ZC3H3: variants seen among roughly 807,000 people sequenced by gnomAD.
ZC3H3 encodes the protein zinc finger CCCH-type containing 3, also known as zinc finger CCCH domain-containing protein 3.
ZC3H3 carries 36 observed loss-of-function variants against 77.3 expected under a neutral mutation model. The ratio of observed to expected loss-of-function variants is 0.47; its 90% CI spans 0.36 to 0.61. ZC3H3 has a LOEUF of 0.61. Ranked by LOEUF, ZC3H3 falls within the 20% of genes least tolerant of loss-of-function variation. ZC3H3 has a pLI of 0.00. For missense variants in ZC3H3, 1,331 were observed against 1,312.2 expected (o/e 1.01, Z -0.22); for synonymous variants, 626 against 555.2 (o/e 1.13, Z -1.79).
intron 3 of ZC3H3, among the ~76,000 whole-genome samples, chr8:143,514,186 G>C (rs956511842): frequency 1.3e-5 from 2 of 152,170 alleles, no homozygotes; most frequent in Admixed American, 1.3e-4. Flanking sequence ...CTTCCCCGAG[G>C]TCCACCATGT....
At chr8:143,526,968 A>C (rs995418523) in intron 3 of ZC3H3, among the ~76,000 whole-genome samples, 3 of 152,166 alleles carry the variant, frequency 2.0e-5, no homozygotes, top group African/African-American at 7.2e-5. Context: ...GCCATGCCTG[A>C]AGATAGACCC....
Position 143,538,179 on chromosome 8 carries a change from C to T in ZC3H3, c.1188G>A (p.Ser396=), listed in dbSNP as rs758556745. 18 of 1,612,870 alleles carry T rather than the reference C, an allele frequency of 1.1e-5. No individual in the cohort carries two copies. The highest frequency in any genetic ancestry group is 1.4e-5 in the Non-Finnish European group (16 of 1,180,024). The change falls in exon 2 of 12, where the codon TCG becomes TCA. Residue 396 remains serine, a synonymous_variant. Coordinates refer to ENST00000262577, the MANE Select transcript of ZC3H3 (RefSeq NM_015117.3). ...ASSSSSFRWQ[S]EASSKDHASQ... ...AGGCATGGTCCTTGCTGCTGGCCTC[C>T]GACTGCCAACGGAAGGAGGAAGAGG...
At chr8:143,512,359 T>C (rs73715643) in intron 3 of ZC3H3, among the ~76,000 whole-genome samples, 4,246 of 152,352 alleles carry the variant, frequency 0.028, 178 homozygotes, top group African/African-American at 0.096. Context: ...ACTGCCTATG[T>C]CCTTCTCTGA....
rs751888046 is a variant in ZC3H3, at chr8:143,475,592, A to G, written c.1716-7T>C. Reference sequence around the variant, plus strand: ...GCGGTTCAGCACCAGGGACCTGCAGAGACAGGAAATGCCCGTCAAACCTGG... The same window carrying G: ...GCGGTTCAGCACCAGGGACCTGCAGGGACAGGAAATGCCCGTCAAACCTGG... On this transcript the variant is annotated splice_region_variant and splice_polypyrimidine_tract_variant and intron_variant, in intron 4 of 11. Transcript: ENST00000262577. 2 of 1,585,098 alleles carry G rather than the reference A, an allele frequency of 1.3e-6. No homozygotes were observed. The highest frequency in any genetic ancestry group is 3.6e-5 in the Admixed American group (2 of 55,290).
chr8:143,447,987 G>A lies in ZC3H3; in HGVS notation c.2308-6867C>T, dbSNP rs141782865. ...CTACTAAAAATACAAAATTAGCCAG[G>A]TGTGGTGGTGCATGCCTGTAATCCT... On this transcript the variant is annotated intron_variant, in intron 9 of 11. Coordinates refer to ENST00000262577, the MANE Select transcript of ZC3H3 (RefSeq NM_015117.3). Among the ~76,000 whole-genome samples the A allele has an allele frequency of 8.9e-3, 1,359 of 152,296 alleles. 21 individuals are homozygous for A. Among genetic ancestry groups the A allele is most frequent in the African/African-American group, 0.03 (1,256 of 41,542 alleles).
intron 3 of ZC3H3, among the ~76,000 whole-genome samples, chr8:143,509,084 C>T (rs1821797069): frequency 6.6e-6 from 1 of 152,082 alleles, no homozygotes. Context: ...TCAGGCGTTC[C>T]CCCAGCACCA....
chr8:143,468,231 G>A lies in ZC3H3; in HGVS notation c.2153C>T (p.Ser718Phe). The A allele has an allele frequency of 1.2e-6, 2 of 1,612,974 alleles. No individual in the cohort carries two copies. Among genetic ancestry groups the A allele is most frequent in the Non-Finnish European group, 1.7e-6 (2 of 1,179,870 alleles). ...CACCTTCTCCTTGGACACATGGTGG[G>A]AGAAGGGGCAGGTCCCATCCGTTTT... ...CKKTDGTCPF[S>F]HHVSKEKMPV... The change falls in exon 8 of 12, where the codon TCC becomes TTC. Residue 718 changes from serine to phenylalanine, a missense_variant. Around this residue, in one of 3 missense-constraint regions of ZC3H3, gnomAD observed 104 missense variants for 159.7 expected, o/e 0.65. Transcript: ENST00000262577.
At chr8:143,464,663 C>T (rs753150429) in intron 9 of ZC3H3, among the ~76,000 whole-genome samples, 1 of 152,214 alleles carries the variant, frequency 6.6e-6, no homozygotes, top group Non-Finnish European at 1.5e-5. Context: ...GAAAGGGTTC[C>T]TGGGGTGCCT....
rs758800667 is a variant in ZC3H3 at position 143,536,254 on chromosome 8, T to C, written c.1561+3A>G. The stretch of plus-strand genomic sequence containing the variant: ...GTGCCCAGCGCCCCTGCTCCCAGCA[T>C]ACCTTCCTTGGTGGGGAGGTGGGCC... On this transcript the variant is annotated splice_donor_region_variant and intron_variant, in intron 3 of 11. Coordinates refer to ENST00000262577, the MANE Select transcript of ZC3H3 (RefSeq NM_015117.3). 1.9e-6 allele frequency: 3 copies of C among 1,609,638 alleles called. No individual in the cohort carries two copies. The highest frequency in any genetic ancestry group is 1.7e-6 in the Non-Finnish European group (2 of 1,179,300).
chr8:143,490,079 C>G (rs972179040), intron 4 of ZC3H3, among the ~76,000 whole-genome samples: 1 of 152,196 alleles, frequency 6.6e-6, no homozygotes, highest in Admixed American at 6.5e-5. Flanking sequence ...CCAGCAAGCA[C>G]CTGACACACA....
intron 5 of ZC3H3, 100 bp from the exon 6 acceptor site, chr8:143,468,759 C>A: frequency 7.0e-7 from 1 of 1,424,556 alleles, no homozygotes. Context: ...GGTCCCAACA[C>A]TCAGCTCAGG....
chr8:143,501,252 G>A (rs1821516375), intron 4 of ZC3H3, among the ~76,000 whole-genome samples: 1 of 152,154 alleles, frequency 6.6e-6, no homozygotes. Context: ...CCAGACTGGA[G>A]TACAGTGGCA....
chr8:143,465,098 G>A (rs960672151), intron 9 of ZC3H3, among the ~76,000 whole-genome samples: 4 of 152,088 alleles, frequency 2.6e-5, no homozygotes, highest in African/African-American at 9.7e-5. Context: ...TGCAACACAG[G>A]AGTCAGTCAT....
chr8:143,473,535 G>A (rs951612231), intron 5 of ZC3H3, among the ~76,000 whole-genome samples: 1 of 152,174 alleles, frequency 6.6e-6, no homozygotes, highest in African/African-American at 2.4e-5. Context: ...CCTTCCCTGG[G>A]CAGAGGGATC....
chr8:143,468,759 C>T, intron 5 of ZC3H3, 100 bp from the exon 6 acceptor site: 2 of 1,424,556 alleles, frequency 1.4e-6, no homozygotes, highest in South Asian at 1.4e-5. Flanking sequence ...GGTCCCAACA[C>T]TCAGCTCAGG....
intron 4 of ZC3H3, among the ~76,000 whole-genome samples, chr8:143,480,550 G>A (rs1453155094): frequency 6.6e-6 from 1 of 152,340 alleles, no homozygotes; most frequent in Admixed American, 6.5e-5. Flanking sequence ...CGCAGTCAGG[G>A]CAGTGCATGC....
Position 143,538,558 on chromosome 8 carries a change from G to A in ZC3H3, c.809C>T (p.Thr270Ile), listed in dbSNP as rs757243359. ...LGDRRVDAGH[T>I]DQPVPSGSVG... is the part of the protein sequence containing the mutation. ...TGAGCCAGACGGAACTGGCTGATCTGTGTGGCCAGCATCTACTCTCCTGTC... is the reference window on the plus strand; with the variant it reads ...TGAGCCAGACGGAACTGGCTGATCTATGTGGCCAGCATCTACTCTCCTGTC... The change falls in exon 2 of 12, where the codon ACA becomes ATA. Residue 270 changes from threonine (T) to isoleucine (I), a missense_variant. By Grantham distance (89) the Thr-to-Ile change is moderately conservative. This residue lies in a region of ZC3H3 where 978 missense variants were observed against 915.5 expected (regional missense o/e 1.07). Transcript: ENST00000262577. 1.2e-6 allele frequency: 2 copies of A among 1,611,458 alleles called. No individual in the cohort carries two copies. Among genetic ancestry groups the A allele is most frequent in the Non-Finnish European group, 1.7e-6 (2 of 1,180,022 alleles).
intron 9 of ZC3H3, among the ~76,000 whole-genome samples, chr8:143,446,027 G>A (rs1819855065): frequency 1.3e-5 from 2 of 152,156 alleles, no homozygotes; most frequent in African/African-American, 4.8e-5. Context: ...AACAAACAGA[G>A]AGCCAGAAGC....
At position 143,440,988 on chromosome 8, in the gene ZC3H3, C is replaced by A; in HGVS notation, c.2440G>T (p.Gly814Trp). 1 of 1,466,696 alleles carries A rather than the reference C, an allele frequency of 6.8e-7. No individual in the cohort carries two copies. 90.9% of individuals were successfully genotyped at this position (1,466,696 alleles called of 1,614,324 possible). ...CTCCTGGCGGTTGCGTCGCTGGGCC[C>A]TGGGGCGGGGGACGTGGCTGCCCGC... ...SRRAATSPAP[G>W]PSDATARSRV... Residue 814 changes from glycine (G) to tryptophan (W), a missense_variant, in exon 10 of 12, where the codon GGG becomes TGG. Around this residue, in one of 3 missense-constraint regions of ZC3H3, gnomAD observed 249 missense variants for 236.9 expected, o/e 1.05. Coordinates refer to ENST00000262577, the MANE Select transcript of ZC3H3 (RefSeq NM_015117.3).
Sources: allele counts gnomAD v4.1 joint callset (sites outside exome capture counted in the v4.1 genomes callset), GRCh38; gene constraint gnomAD v4.1.1; regional missense constraint gnomAD v4.1.1; transcripts MANE v1.5; gene names NCBI Gene and HGNC (gene_info 2026-07-23, HGNC 2026-07-21).